The following GMDS variants were observed in gnomAD, a reference collection of about 807,000 sequenced individuals.
GMDS encodes GDP-mannose 4,6-dehydratase.
In GMDS, 20 loss-of-function variants were observed where a neutral mutation model predicts 49.9. The observed-to-expected ratio is 0.40, with a 90% CI of 0.28 to 0.58. The LOEUF (loss-of-function observed/expected upper bound fraction) is 0.58. GMDS is among the 20% of genes least tolerant of loss of function. The pLI is 0.42. For missense variants in GMDS, 362 were observed against 481.4 expected, an observed-to-expected ratio of 0.75 and a Z score of 2.32; for synonymous variants, 177 against 178.6, an observed-to-expected ratio of 0.99 and a Z score of 0.07.
At chr6:1,981,307 A>G (rs1445345605) in intron 4 of GMDS, among the ~76,000 whole-genome samples, 4 of 152,134 alleles carry the variant, frequency 2.6e-5, no homozygotes, top group African/African-American at 9.7e-5. Flanking sequence ...TCAAGAAGAA[A>G]AGAGAGAAGA....
At chr6:1,633,631 G>A (rs551221852) in intron 9 of GMDS, among the ~76,000 whole-genome samples, 33 of 152,344 alleles carry the variant, frequency 2.2e-4, no homozygotes, top group African/African-American at 7.9e-4. Flanking sequence ...GCACGGGCCG[G>A]TCACAGAAAG....
At chr6:2,129,628 C>A (rs1216277931) in intron 1 of GMDS, among the ~76,000 whole-genome samples, 1 of 152,136 alleles carries the variant, frequency 6.6e-6, no homozygotes, top group African/African-American at 2.4e-5. Flanking sequence ...TTTGCACTGC[C>A]TTTTTATGTT....
intron 9 of GMDS, among the ~76,000 whole-genome samples, chr6:1,705,135 G>A (rs4501469): frequency 2.6e-5 from 4 of 152,252 alleles, no homozygotes; most frequent in African/African-American, 9.6e-5. Flanking sequence ...CCACATGTCA[G>A]GCCAGGCACT....
At chr6:2,112,683 C>T (rs530300000) in intron 4 of GMDS, among the ~76,000 whole-genome samples, 24 of 152,298 alleles carry the variant, frequency 1.6e-4, no homozygotes, top group South Asian at 8.3e-4. Flanking sequence ...ACCCCTTGCA[C>T]GCTGGCCAAG....
intron 4 of GMDS, among the ~76,000 whole-genome samples, chr6:2,021,983 T>C (rs746615152): frequency 2.0e-5 from 3 of 152,200 alleles, no homozygotes; most frequent in Non-Finnish European, 4.4e-5. Flanking sequence ...ATGGCCTTTG[T>C]GTAATCCTAA....
chr6:1,732,777 G>A lies in GMDS; in HGVS notation c.891-6265C>T, dbSNP rs80277711. Among the ~76,000 whole-genome samples the A allele has an allele frequency of 1.8e-4, 28 of 152,220 alleles. No individual in the cohort carries two copies. In the East Asian group the frequency reaches 5.2e-3, roughly 28 times the overall value. On this transcript the variant is annotated intron_variant, in intron 8 of 10. Transcript: ENST00000380815. The stretch of plus-strand genomic sequence containing the variant: ...GGGCTTAGCCAGGGAAATGGGCAGG[G>A]AGGAAGCAGGGGTAGGAGACAGCAG...
intron 4 of GMDS, among the ~76,000 whole-genome samples, chr6:1,997,734 C>T (rs1766383665): frequency 6.6e-6 from 1 of 152,018 alleles, no homozygotes; most frequent in Non-Finnish European, 1.5e-5. Context: ...ATTTGGTGAG[C>T]AGAGACCCCT....
chr6:2,079,447 T>C (rs1017748952), intron 4 of GMDS, among the ~76,000 whole-genome samples: 3 of 152,142 alleles, frequency 2.0e-5, no homozygotes, highest in Non-Finnish European at 2.9e-5. Flanking sequence ...ATTGCTTTAT[T>C]AGCAGGTTTT....
intron 3 of GMDS, among the ~76,000 whole-genome samples, chr6:2,116,492 T>G (rs1312685603): frequency 6.6e-6 from 1 of 152,230 alleles, no homozygotes; most frequent in Non-Finnish European, 1.5e-5. Flanking sequence ...CATTTTTACA[T>G]AATATTGATC....
chr6:1,824,166 G>A (rs79905424), intron 7 of GMDS, among the ~76,000 whole-genome samples: 8,531 of 152,056 alleles, frequency 0.056, 755 homozygotes, highest in African/African-American at 0.19. Flanking sequence ...TTTAGCCCGG[G>A]ACCCTTGAAG....
chr6:1,950,387 T>C (rs1259139338), intron 6 of GMDS, among the ~76,000 whole-genome samples: 1 of 152,204 alleles, frequency 6.6e-6, no homozygotes, highest in Non-Finnish European at 1.5e-5. Flanking sequence ...TTATAACTAA[T>C]AACAAAAAGT....
intron 9 of GMDS, among the ~76,000 whole-genome samples, chr6:1,685,498 A>T (rs896153371): frequency 1.3e-5 from 2 of 151,918 alleles, no homozygotes; most frequent in African/African-American, 2.4e-5. Flanking sequence ...TTTTTTAATT[A>T]AAAAAAACTG....
intron 4 of GMDS, among the ~76,000 whole-genome samples, chr6:2,079,019 CTTTTTTTTTTTTTT>C (rs386405902): frequency 2.9e-5 from 1 of 33,992 alleles, no homozygotes; most frequent in Admixed American, 4.6e-4. Context: ...ATGACCTTGT[CTTTTTTTTTTTTTT>C]TTTTTTTTTT....
rs199982455 is a variant in GMDS at position 1,914,134 on chromosome 6, T to TG, written c.771+15968_771+15969insC. Among the ~76,000 whole-genome samples, 228 of 122,350 alleles carry TG rather than the reference T, an allele frequency of 1.9e-3. 2 individuals carry two copies. In the South Asian group the frequency reaches 0.029, roughly 16 times the overall value. The allele number at this position is 122,350 out of a possible 152,430, so 80.3% of individuals were successfully genotyped here. A position where few individuals can be genotyped will look rare whatever the true frequency, so the allele number is the denominator to read the frequency against. ...ATCATGAAAGCGTTTTTTGTTTGTT[T>TG]TTTTTTTTTTTTTTTTTTTTTTTAA... On this transcript the variant is annotated intron_variant, in intron 7 of 10. Coordinates refer to ENST00000380815, the MANE Select transcript of GMDS (RefSeq NM_001500.4).
At chr6:1,779,194 T>C (rs771372116) in intron 7 of GMDS, among the ~76,000 whole-genome samples, 9 of 152,120 alleles carry the variant, frequency 5.9e-5, no homozygotes, top group Admixed American at 2.0e-4. Context: ...TGTCCAAGGC[T>C]CCACTTACTG....
chr6:2,133,825 AG>A (rs1178452981), intron 1 of GMDS, among the ~76,000 whole-genome samples: 4 of 152,298 alleles, frequency 2.6e-5, no homozygotes, highest in Non-Finnish European at 5.9e-5. Flanking sequence ...TCAGTGCCCA[AG>A]GATATATCAA....
intron 4 of GMDS, among the ~76,000 whole-genome samples, chr6:2,090,924 T>C (rs536797875): frequency 7.7e-4 from 117 of 152,320 alleles, no homozygotes; most frequent in Non-Finnish European, 9.4e-4. Context: ...TATTTGGAAA[T>C]TCCAAGCTTT....
intron 9 of GMDS, among the ~76,000 whole-genome samples, chr6:1,697,709 G>T (rs1765393207): frequency 6.6e-6 from 1 of 152,186 alleles, no homozygotes; most frequent in Non-Finnish European, 1.5e-5. Context: ...GGGTTTGAAT[G>T]AGCCTTCTGG....
intron 1 of GMDS, among the ~76,000 whole-genome samples, chr6:2,224,117 T>C (rs1028363002): frequency 2.6e-5 from 4 of 152,132 alleles, no homozygotes; most frequent in African/African-American, 9.7e-5. Context: ...TAGAAGATCT[T>C]ATATAACAAC....
Sources: allele counts gnomAD v4.1 joint callset (sites outside exome capture counted in the v4.1 genomes callset), GRCh38; gene constraint gnomAD v4.1.1; transcripts MANE v1.5; gene names NCBI Gene and HGNC (gene_info 2026-07-23, HGNC 2026-07-21).